ADAMDEC1: variants seen among roughly 807,000 people sequenced by gnomAD.
ADAMDEC1 encodes the protein ADAM DEC1.
A neutral mutation model predicts 60.4 loss-of-function variants in ADAMDEC1; 62 were observed. The ratio of observed to expected loss-of-function variants is 1.03; its 90% CI spans 0.84 to 1.27. ADAMDEC1 has a LOEUF of 1.27. ADAMDEC1 is among the 50% of genes most tolerant of loss of function. The pLI is 0.00. For synonymous variants in ADAMDEC1, 210 were observed against 195.1 expected, an observed-to-expected ratio of 1.08 and a Z score of -0.64; for missense variants, 595 against 565.0, an observed-to-expected ratio of 1.05 and a Z score of -0.54.
In ADAMDEC1 at chr8:24,398,483, A is replaced by G. The variant is rs766343922; in HGVS notation, c.694A>G (p.Lys232Glu). ...LYLVLDNAFY[K>E]NYNENLTLIR... ...CTTTGTGTTTTGTATTTTACAGTAT[A>G]AGAACTATAATGAGAATCTAACTCT... The change falls in exon 8 of 14, where the codon AAG (lysine) becomes GAG (glutamate). Residue 232 changes from lysine (K) to glutamate (E), a missense_variant. By Grantham distance (56) the Lys-to-Glu change is moderately conservative. Transcript: ENST00000256412. 1 of 1,569,472 alleles carries G rather than the reference A, an allele frequency of 6.4e-7. No homozygotes were observed. The highest frequency in any genetic ancestry group is 2.3e-5 in the East Asian group (1 of 44,442).
chr8:24,397,431 T>C lies in ADAMDEC1; in HGVS notation c.602T>C (p.Ile201Thr). Residue 201 changes from isoleucine to threonine, a missense_variant, in exon 6 of 14, where the codon ATC (isoleucine) becomes ACC (threonine). Transcript: ENST00000256412. Reference sequence around the variant, plus strand: ...GACGGGAAACAAGGCCCAATTCGAATCTCTAGATCACTCAAAAGCCCAGAG... The same window carrying C: ...GACGGGAAACAAGGCCCAATTCGAACCTCTAGATCACTCAAAAGCCCAGAG... Reference protein sequence around the residue: ...STDGKQGPIRISRSLKSPEKE... With the variant: ...STDGKQGPIRTSRSLKSPEKE... 1 of 1,613,564 alleles carries C rather than the reference T, an allele frequency of 6.2e-7. No homozygotes were observed. The highest frequency in any genetic ancestry group is 8.5e-7 in the Non-Finnish European group (1 of 1,179,714).
chr8:24,390,304 A>T, intron 1 of ADAMDEC1: 3 of 621,020 alleles, frequency 4.8e-6, no homozygotes, highest in Non-Finnish European at 6.8e-6. Context: ...GTGATTTGAG[A>T]CATCATAGTT....
rs1206410121 is a variant in ADAMDEC1 at position 24,384,436 on chromosome 8, A to G, written c.-69A>G. 7.6e-7 allele frequency: 1 copy of G among 1,318,402 alleles called. No homozygotes were observed. Among genetic ancestry groups the G allele is most frequent in the Non-Finnish European group, 1.0e-6 (1 of 970,892 alleles). 81.7% of individuals were successfully genotyped at this position (1,318,402 alleles called of 1,614,324 possible). ...TCTCACACGAAAAGTGGGGGTTTTA[A>G]TTTTCTTGTTCAACTTCTAAAGAGA... On this transcript the variant is annotated 5_prime_UTR_variant, in exon 1 of 14. Coordinates refer to ENST00000256412, the MANE Select transcript of ADAMDEC1 (RefSeq NM_014479.3).
At chr8:24,402,933 G>T (rs1817800748) in intron 12 of ADAMDEC1, among the ~76,000 whole-genome samples, 1 of 152,134 alleles carries the variant, frequency 6.6e-6, no homozygotes, top group South Asian at 2.1e-4. Flanking sequence ...TAGCAAATTA[G>T]AGTTACGTTT....
At chr8:24,385,402 A>T (rs1191088334) in intron 1 of ADAMDEC1, among the ~76,000 whole-genome samples, 1 of 152,100 alleles carries the variant, frequency 6.6e-6, no homozygotes, top group African/African-American at 2.4e-5. Context: ...ATTGTGCATC[A>T]CCAATACTAT....
rs1817869040 is a variant in ADAMDEC1, at chr8:24,405,536, C to T, written c.*238C>T. 2 of 457,432 alleles carry T rather than the reference C, an allele frequency of 4.4e-6. No homozygotes were observed. The highest frequency in any genetic ancestry group is 2.1e-5 in the African/African-American group (1 of 47,784). The allele number at this position is 457,432 out of a possible 1,614,324, so 28.3% of individuals were successfully genotyped here. A position where few individuals can be genotyped will look rare whatever the true frequency, so the allele number is the denominator to read the frequency against. ...TTCTTTTTTCTTTTTTTTTAAAGAT[C>T]ATGAATTTGTGACTTAGTTCTGCCC... On this transcript the variant is annotated 3_prime_UTR_variant, in exon 14 of 14. Coordinates refer to ENST00000256412, the MANE Select transcript of ADAMDEC1 (RefSeq NM_014479.3).
Position 24,398,914 on chromosome 8 carries a change from T to C in ADAMDEC1, c.803T>C (p.Met268Thr), listed in dbSNP as rs1325294371. The C allele has an allele frequency of 1.9e-6, 3 of 1,613,766 alleles. No homozygotes were observed. Among genetic ancestry groups the C allele is most frequent in the African/African-American group, 2.7e-5 (2 of 74,910 alleles). ...TIDVQVALVGMEIWSDGDKIK... is the reference protein window; with the variant it reads ...TIDVQVALVGTEIWSDGDKIK... ...GATGTTCAAGTGGCCTTGGTAGGTA[T>C]GGAAATCTGGTCTGATGGGGATAAG... Residue 268 changes from methionine to threonine, a missense_variant, in exon 9 of 14, where the codon ATG becomes ACG. Transcript: ENST00000256412.
In ADAMDEC1 at chr8:24,400,217, G is replaced by T. The variant is rs770718644; in HGVS notation, c.1059G>T (p.Glu353Asp). The change falls in exon 11 of 14, where the codon GAG becomes GAT. Residue 353 changes from glutamate (E) to aspartate (D), a missense_variant. By Grantham distance (45) the Glu-to-Asp change is conservative. Coordinates refer to ENST00000256412, the MANE Select transcript of ADAMDEC1 (RefSeq NM_014479.3). ...NVALVGVMSH[E>D]LGHVLGMPDV... The stretch of plus-strand genomic sequence containing the variant: ...CTCTTGTAGGAGTGATGTCACATGA[G>T]CTGGGCCATGTCCTTGGTATGCCTG... 7.4e-6 allele frequency: 12 copies of T among 1,610,924 alleles called. No homozygotes were observed. Among genetic ancestry groups the T allele is most frequent in the East Asian group, 2.2e-5 (1 of 44,662 alleles).
intron 7 of ADAMDEC1, 63 bp downstream of exon 7, chr8:24,397,808 C>A: frequency 1.4e-6 from 2 of 1,463,320 alleles, no homozygotes; most frequent in Non-Finnish European, 1.9e-6. Flanking sequence ...ACTTATCAAG[C>A]AAAAGCAAGC....
chr8:24,394,648 A>G (rs986203025), intron 4 of ADAMDEC1, among the ~76,000 whole-genome samples: 1 of 152,156 alleles, frequency 6.6e-6, no homozygotes, highest in Non-Finnish European at 1.5e-5. Flanking sequence ...AAGAGAATAC[A>G]ATAAATCTCA....
chr8:24,405,116 G>A (rs1467410726), intron 13 of ADAMDEC1, among the ~76,000 whole-genome samples, 176 bp from the exon 14 acceptor site: 2 of 152,162 alleles, frequency 1.3e-5, no homozygotes, highest in African/African-American at 4.8e-5. Context: ...GGGACTTTAA[G>A]TCCAGATAAA....
At chr8:24,389,027 A>G (rs1248981628) in intron 1 of ADAMDEC1, among the ~76,000 whole-genome samples, 1 of 152,156 alleles carries the variant, frequency 6.6e-6, no homozygotes, top group Non-Finnish European at 1.5e-5. Flanking sequence ...CAATTGAGGT[A>G]TGATAGCATT....
intron 4 of ADAMDEC1, among the ~76,000 whole-genome samples, chr8:24,394,741 TA>T (rs142565980): frequency 7.3e-5 from 11 of 151,044 alleles, no homozygotes; most frequent in African/African-American, 2.2e-4. Flanking sequence ...TTTCTCTATA[TA>T]AAAAAAAAGA....
At chr8:24,389,879 C>G (rs1817393459) in intron 1 of ADAMDEC1, among the ~76,000 whole-genome samples, 1 of 152,174 alleles carries the variant, frequency 6.6e-6, no homozygotes, top group Non-Finnish European at 1.5e-5. Flanking sequence ...AAGTGATCAT[C>G]TTGATGTGAC....
At chr8:24,390,786 A>T (rs566992972) in intron 1 of ADAMDEC1, among the ~76,000 whole-genome samples, 10 of 149,534 alleles carry the variant, frequency 6.7e-5, no homozygotes, top group South Asian at 4.2e-4. Context: ...ATTTGGTTTT[A>T]TTTTTTTTTT....
Position 24,398,464 on chromosome 8 carries a change from G to A in ADAMDEC1, c.691-16G>A, listed in dbSNP as rs773309354. 6.8e-6 allele frequency: 10 copies of A among 1,479,216 alleles called. No homozygotes were observed. Among genetic ancestry groups the A allele is most frequent in the Admixed American group, 1.9e-5 (1 of 52,646 alleles). The allele number at this position is 1,479,216 out of a possible 1,614,324, so 91.6% of individuals were successfully genotyped here. A position where few individuals can be genotyped will look rare whatever the true frequency, so the allele number is the denominator to read the frequency against. ...AATCTGCTATTTCACTATACTTTGT[G>A]TTTTGTATTTTACAGTATAAGAACT... is the stretch of plus-strand genomic sequence containing the variant. On this transcript the variant is annotated splice_polypyrimidine_tract_variant and intron_variant, in intron 7 of 13. Transcript: ENST00000256412.
rs2129360946 is a variant in ADAMDEC1, at chr8:24,398,097, A to C, written c.690+352A>C. ...ATTATATCAATATAAAATCAACACAAAACTCTATATAACTTAGAAACTATA... is the reference window on the plus strand; with the variant it reads ...ATTATATCAATATAAAATCAACACACAACTCTATATAACTTAGAAACTATA... On this transcript the variant is annotated intron_variant, in intron 7 of 13. Coordinates refer to ENST00000256412, the MANE Select transcript of ADAMDEC1 (RefSeq NM_014479.3). Among the ~76,000 whole-genome samples, 2 of 150,918 alleles carry C rather than the reference A, an allele frequency of 1.3e-5. 1 individual carries two copies. Among genetic ancestry groups the C allele is most frequent in the African/African-American group, 4.8e-5 (2 of 41,372 alleles).
chr8:24,395,115 A>G (rs1424758525), intron 4 of ADAMDEC1, among the ~76,000 whole-genome samples: 2 of 152,226 alleles, frequency 1.3e-5, no homozygotes, highest in African/African-American at 4.8e-5. Flanking sequence ...CTAATTGTAG[A>G]CAAATAATTT....
In ADAMDEC1 at chr8:24,384,495, C is replaced by A; in HGVS notation, c.-10C>A. On this transcript the variant is annotated 5_prime_UTR_variant, in exon 1 of 14. Coordinates refer to ENST00000256412, the MANE Select transcript of ADAMDEC1 (RefSeq NM_014479.3). ...AAGATAAAACTGGACACTGGGGAGA[C>A]CACAACTTCATGCTGCGTGGGATCT... 6.3e-7 allele frequency: 1 copy of A among 1,599,652 alleles called. No individual in the cohort carries two copies.
Sources: allele counts gnomAD v4.1 joint callset (sites outside exome capture counted in the v4.1 genomes callset), GRCh38; gene constraint gnomAD v4.1.1; transcripts MANE v1.5; gene names NCBI Gene and HGNC (gene_info 2026-07-23, HGNC 2026-07-21).